The following NSF variants were observed in gnomAD, a reference collection of about 807,000 sequenced individuals.
NSF encodes the protein N-ethylmaleimide sensitive factor, vesicle fusing ATPase, also known as vesicle-fusing ATPase.
NSF carries 14 observed loss-of-function variants against 50.3 expected under a neutral mutation model. The ratio of observed to expected loss-of-function variants is 0.28; its 90% CI spans 0.18 to 0.44. The LOEUF is 0.44. NSF is among the 20% of genes least tolerant of loss of function. The pLI is 1.00. For missense variants in NSF, 218 were observed against 504.3 expected, an observed-to-expected ratio of 0.43 and a Z score of 5.44; for synonymous variants, 109 against 175.7, an observed-to-expected ratio of 0.62 and a Z score of 3.00.
chr17:46,622,485 G>A (rs116956554), intron 1 of NSF, among the ~76,000 whole-genome samples: 21,112 of 147,402 alleles, frequency 0.14, 1,990 homozygotes, highest in Non-Finnish European at 0.2. Context: ...TAAATAAATA[G>A]ATAAATAAAT....
intron 9 of NSF, among the ~76,000 whole-genome samples, chr17:46,692,145 G>GT (rs1598686827): frequency 1.6e-5 from 2 of 125,198 alleles, no homozygotes; most frequent in Non-Finnish European, 3.3e-5. Context: ...TAGAAGGTAC[G>GT]TGTTAAATTA....
intron 17 of NSF, among the ~76,000 whole-genome samples, chr17:46,736,301 C>T (rs929453873): frequency 1.1e-4 from 16 of 152,218 alleles, no homozygotes; most frequent in East Asian, 5.8e-4. Flanking sequence ...GGGACTGGCC[C>T]ACCTGCTTCC....
intron 17 of NSF, among the ~76,000 whole-genome samples, chr17:46,732,529 A>G (rs1284496443): frequency 2.6e-5 from 4 of 152,286 alleles, no homozygotes; most frequent in African/African-American, 9.6e-5. Context: ...AAGTAAATGC[A>G]TAGATTTTTA....
chr17:46,752,661 G>T (rs1217506277), intron 19 of NSF, among the ~76,000 whole-genome samples: 1 of 152,186 alleles, frequency 6.6e-6, no homozygotes, highest in African/African-American at 2.4e-5. Context: ...TCACTATGTT[G>T]CCCAGGCTGG....
rs988206142 is a variant in NSF, at chr17:46,687,480, G to C, written c.946-5423G>C. ...TACAGGGTAATTTCTTTTCTTCACT[G>C]TCAGTCTTCCACCCTACATGCAAGC... On this transcript the variant is annotated intron_variant, in intron 9 of 20. Coordinates refer to ENST00000398238, the MANE Select transcript of NSF (RefSeq NM_006178.4). 1.9e-4 allele frequency among the ~76,000 whole-genome samples: 27 copies of C among 145,670 alleles called. 1 individual carries two copies. Among genetic ancestry groups the C allele is most frequent in the African/African-American group, 6.6e-4 (26 of 39,680 alleles).
chr17:46,721,971 C>A, intron 15 of NSF: 1 of 1,604,630 alleles, frequency 6.2e-7, no homozygotes, highest in Non-Finnish European at 8.5e-7. Flanking sequence ...AGTTGAGGAA[C>A]GGGAACAAAG....
chr17:46,728,114 G>T (rs765946018), intron 16 of NSF, among the ~76,000 whole-genome samples: 10 of 152,176 alleles, frequency 6.6e-5, no homozygotes, highest in Non-Finnish European at 1.2e-4. Flanking sequence ...CAGGGCAGAG[G>T]TGCATATGCA....
At chr17:46,755,498 G>A (rs1310712919) in intron 20 of NSF, 129 bp downstream of exon 20, 2 of 844,080 alleles carry the variant, frequency 2.4e-6, no homozygotes, top group South Asian at 3.1e-5. Flanking sequence ...CTGTGTTGTA[G>A]GTCCGAGAGA....
At chr17:46,715,985 G>T (rs1398176929) in intron 15 of NSF, among the ~76,000 whole-genome samples, 1 of 152,042 alleles carries the variant, frequency 6.6e-6, no homozygotes, top group Non-Finnish European at 1.5e-5. Context: ...TAGAATTTTT[G>T]GTTTTCCTTG....
At chr17:46,751,721 G>T in intron 19 of NSF, 105 bp downstream of exon 19, 3 of 615,090 alleles carry the variant, frequency 4.9e-6, no homozygotes, top group South Asian at 7.1e-5. Context: ...TTTAAGTTTT[G>T]ATTTTCTTAT....
chr17:46,720,281 T>A (rs2058816363), intron 15 of NSF, among the ~76,000 whole-genome samples: 1 of 152,198 alleles, frequency 6.6e-6, no homozygotes, highest in Non-Finnish European at 1.5e-5. Flanking sequence ...GGGCATTTGT[T>A]GTTGTTTTGT....
chr17:46,609,816 TCTCA>T (rs1363977053), intron 1 of NSF, among the ~76,000 whole-genome samples: 2 of 139,158 alleles, frequency 1.4e-5, no homozygotes, highest in African/African-American at 2.7e-5. Context: ...TTCTCGGGTG[TCTCA>T]CTGTTTCTTT....
intron 15 of NSF, among the ~76,000 whole-genome samples, chr17:46,720,647 T>C (rs773011303): frequency 7.2e-5 from 11 of 152,360 alleles, no homozygotes; most frequent in Non-Finnish European, 1.3e-4. Flanking sequence ...CTACCAAATA[T>C]GATTAGAGTA....
chr17:46,722,204 G>A (rs1169732141), intron 15 of NSF: 4 of 1,550,314 alleles, frequency 2.6e-6, no homozygotes, highest in Non-Finnish European at 3.6e-6. Context: ...GCCTGCTTAG[G>A]AAGAGACCCA....
At chr17:46,717,567 C>G (rs767204937) in intron 15 of NSF, among the ~76,000 whole-genome samples, 1 of 152,040 alleles carries the variant, frequency 6.6e-6, no homozygotes, top group Non-Finnish European at 1.5e-5. Flanking sequence ...AAAAATTAGC[C>G]AGGCATGATG....
intron 17 of NSF, among the ~76,000 whole-genome samples, chr17:46,744,778 T>C (rs780243255): frequency 2.6e-4 from 39 of 152,222 alleles, no homozygotes; most frequent in Non-Finnish European, 4.4e-4. Context: ...TTCTTCATCA[T>C]GTAAAGAAGT....
At chr17:46,716,794 G>T (rs1259383870) in intron 15 of NSF, among the ~76,000 whole-genome samples, 1 of 152,108 alleles carries the variant, frequency 6.6e-6, no homozygotes, top group Non-Finnish European at 1.5e-5. Context: ...TCAGACACAT[G>T]TGTACACATG....
intron 4 of NSF, among the ~76,000 whole-genome samples, chr17:46,630,995 C>G (rs1424480878): frequency 1.4e-5 from 2 of 138,046 alleles, no homozygotes; most frequent in Non-Finnish European, 3.0e-5. Flanking sequence ...CCAGCTTTAC[C>G]AATTGTCATA....
intron 17 of NSF, among the ~76,000 whole-genome samples, chr17:46,733,249 C>G (rs912502716): frequency 1.3e-5 from 2 of 152,134 alleles, no homozygotes; most frequent in Non-Finnish European, 2.9e-5. Flanking sequence ...GTCTTAATGT[C>G]AAGGAGGAAG....
Sources: allele counts gnomAD v4.1 joint callset (sites outside exome capture counted in the v4.1 genomes callset), GRCh38; gene constraint gnomAD v4.1.1; transcripts MANE v1.5; gene names NCBI Gene and HGNC (gene_info 2026-07-23, HGNC 2026-07-21).